The following SULF1 variants were observed in gnomAD, a reference collection of about 807,000 sequenced individuals.
SULF1 encodes extracellular sulfatase Sulf-1.
In SULF1, 46 loss-of-function variants were observed where a neutral mutation model predicts 110.5. That is an observed-to-expected ratio of 0.42 (90% CI 0.33 to 0.53). The LOEUF (loss-of-function observed/expected upper bound fraction) is 0.53, where lower values mean the gene tolerates loss of function less well. Among genes scored for constraint, SULF1 ranks in the 20% least tolerant of loss-of-function variants. The pLI, the probability that SULF1 is intolerant of heterozygous loss-of-function variation, is 0.12. For missense variants in SULF1, 941 were observed against 1,094.2 expected (o/e 0.86, Z 1.98); for synonymous variants, 371 against 387.1 (o/e 0.96, Z 0.49).
chr8:69,621,079 C>A lies in SULF1; in HGVS notation c.1422C>A (p.His474Gln). ...IEDTSGKLRI[H>Q]KCKGPSDLLT... is the part of the protein sequence containing the mutation. ...ATACATCTGGCAAGCTTCGAATTCA[C>A]AAGTGTAAAGGACCCAGTGACCTGC... The change falls in exon 14 of 23, where the codon CAC becomes CAA. Residue 474 changes from histidine to glutamine, a missense_variant. This residue lies in a region of SULF1 where 822 missense variants were observed against 934.3 expected (regional missense o/e 0.88). Transcript: ENST00000402687. 6.2e-7 allele frequency: 1 copy of A among 1,613,380 alleles called. No individual in the cohort carries two copies. Among genetic ancestry groups the A allele is most frequent in the South Asian group, 1.1e-5 (1 of 91,002 alleles).
At chr8:69,558,470 G>A (rs1184910480) in intron 3 of SULF1, among the ~76,000 whole-genome samples, 1 of 152,200 alleles carries the variant, frequency 6.6e-6, no homozygotes, top group Non-Finnish European at 1.5e-5. Flanking sequence ...TCTGTGGCGA[G>A]TGGGTTGTTC....
At position 69,605,280 on chromosome 8, in the gene SULF1, C is replaced by G. The variant is rs148015598; in HGVS notation, c.1377+348C>G. On this transcript the variant is annotated intron_variant, in intron 13 of 22. Coordinates refer to ENST00000402687, the MANE Select transcript of SULF1 (RefSeq NM_001128205.2). ...AGGCTACTTAGTCAAAGCACAGGTACGTGCTGAGCCTCTTGGCAGTGAACC... is the reference window on the plus strand; with the variant it reads ...AGGCTACTTAGTCAAAGCACAGGTAGGTGCTGAGCCTCTTGGCAGTGAACC... 1.4e-3 allele frequency among the ~76,000 whole-genome samples: 214 copies of G among 152,274 alleles called. 2 individuals carry two copies. The highest frequency in any genetic ancestry group is 5.0e-3 in the Admixed American group (76 of 15,294).
chr8:69,608,269 T>C (rs983354044), intron 13 of SULF1, among the ~76,000 whole-genome samples: 1 of 152,248 alleles, frequency 6.6e-6, no homozygotes, highest in African/African-American at 2.4e-5. Context: ...AGTGATATTA[T>C]ACATGTAATG....
intron 8 of SULF1, chr8:69,592,742 A>C (rs1243983250): frequency 6.1e-6 from 1 of 163,446 alleles, no homozygotes; most frequent in South Asian, 2.0e-4. Flanking sequence ...TTAAGAAACT[A>C]ACAATATTCT....
At chr8:69,583,375 C>A (rs1252100183) in intron 6 of SULF1, among the ~76,000 whole-genome samples, 1 of 150,224 alleles carries the variant, frequency 6.7e-6, no homozygotes, top group Non-Finnish European at 1.5e-5. Flanking sequence ...CGAGACCAAC[C>A]TGACCAATAT....
At chr8:69,621,284 G>T (rs754439632) in intron 14 of SULF1, 33 bp downstream of exon 14, 21 of 1,535,748 alleles carry the variant, frequency 1.4e-5, no homozygotes, top group Non-Finnish European at 1.7e-5. Flanking sequence ...TCTCAATGGT[G>T]GCCTAGGCCT....
intron 3 of SULF1, among the ~76,000 whole-genome samples, chr8:69,529,426 T>C (rs1196788571): frequency 6.6e-6 from 1 of 152,356 alleles, no homozygotes. Flanking sequence ...TTCAGTTGTT[T>C]ATGACATTGC....
At chr8:69,643,690 T>A (rs1309724831) in intron 22 of SULF1, among the ~76,000 whole-genome samples, 2 of 152,192 alleles carry the variant, frequency 1.3e-5, no homozygotes, top group Non-Finnish European at 2.9e-5. Context: ...TATCTTTTCT[T>A]TTCTCTTCCT....
chr8:69,573,857 C>T (rs1021588925), intron 5 of SULF1, among the ~76,000 whole-genome samples: 8 of 152,182 alleles, frequency 5.3e-5, no homozygotes, highest in Admixed American at 1.3e-4. Context: ...ATCAGTGAAA[C>T]GATTGGTTTC....
chr8:69,576,064 G>C lies in SULF1; in HGVS notation c.267G>C (p.Pro89=), dbSNP rs6984529. The part of the protein sequence containing the change: ...NAFVTTPMCC[P]SRSSMLTGKY... ...TTGTGACTACACCCATGTGCTGCCC[G>C]TCACGGTCCTCCATGCTCACCGGGA... Residue 89 remains proline (P), a synonymous_variant, in exon 6 of 23, where the codon CCG becomes CCC. Transcript: ENST00000402687. The C allele has an allele frequency of 6.2e-7, 1 of 1,614,146 alleles. No individual in the cohort carries two copies. Among genetic ancestry groups the C allele is most frequent in the Non-Finnish European group, 8.5e-7 (1 of 1,180,034 alleles).
chr8:69,519,468 T>G (rs1327376797), intron 3 of SULF1, among the ~76,000 whole-genome samples: 1 of 152,174 alleles, frequency 6.6e-6, no homozygotes. Flanking sequence ...ATTAAATTAC[T>G]GAATATATGT....
intron 3 of SULF1, among the ~76,000 whole-genome samples, chr8:69,504,867 G>A (rs897731460): frequency 1.3e-5 from 2 of 152,148 alleles, no homozygotes; most frequent in African/African-American, 4.8e-5. Flanking sequence ...AGAAATGGAT[G>A]TTTTTGGGTA....
At chr8:69,478,233 T>C (rs1809383436) in intron 1 of SULF1, among the ~76,000 whole-genome samples, 1 of 152,150 alleles carries the variant, frequency 6.6e-6, no homozygotes, top group Admixed American at 6.6e-5. Flanking sequence ...ACCTCGTGCA[T>C]CTGAAATAAG....
At chr8:69,573,516 T>G (rs1221685119) in intron 5 of SULF1, among the ~76,000 whole-genome samples, 2 of 152,226 alleles carry the variant, frequency 1.3e-5, no homozygotes, top group African/African-American at 4.8e-5. Context: ...TTATTTGAAT[T>G]CTGCTAAGGC....
rs187713473 is a variant in SULF1, at chr8:69,527,522, A to T, written c.-134+25554A>T. ...CTCAAAGACAGAGGATGGTGGTGTC[A>T]GCGGGGGATTCCTGGGCAGCTTAGG... On this transcript the variant is annotated intron_variant, in intron 3 of 22. Transcript: ENST00000402687. 2.3e-3 allele frequency among the ~76,000 whole-genome samples: 348 copies of T among 152,256 alleles called. 2 individuals are homozygous for T. Among genetic ancestry groups the T allele is most frequent in the African/African-American group, 8.1e-3 (335 of 41,560 alleles).
intron 13 of SULF1, among the ~76,000 whole-genome samples, chr8:69,615,623 T>C (rs989221192): frequency 1.3e-5 from 2 of 152,142 alleles, no homozygotes; most frequent in African/African-American, 4.8e-5. Flanking sequence ...TGCATGTGTG[T>C]AGACATATAT....
At chr8:69,649,742 C>T (rs990731594) in intron 22 of SULF1, among the ~76,000 whole-genome samples, 3 of 151,818 alleles carry the variant, frequency 2.0e-5, no homozygotes, top group African/African-American at 7.3e-5. Context: ...ATTGTGCTCT[C>T]GGGATATCTT....
At chr8:69,579,327 G>T (rs1018947782) in intron 6 of SULF1, among the ~76,000 whole-genome samples, 3 of 151,980 alleles carry the variant, frequency 2.0e-5, no homozygotes, top group African/African-American at 7.3e-5. Flanking sequence ...GCTGAGATGG[G>T]CGTATCACCT....
chr8:69,506,569 T>A (rs1315610089), intron 3 of SULF1, among the ~76,000 whole-genome samples: 1 of 152,202 alleles, frequency 6.6e-6, no homozygotes, highest in Non-Finnish European at 1.5e-5. Flanking sequence ...TGCCATCTTT[T>A]GCAGGCTCCT....
Sources: gnomAD v4.1 joint callset for allele counts (sites outside exome capture counted in the v4.1 genomes callset) on GRCh38, gnomAD v4.1.1 for gene constraint, gnomAD v4.1.1 regional missense constraint, MANE v1.5 for transcripts, NCBI Gene and HGNC (gene_info 2026-07-23, HGNC 2026-07-21) for gene names.